The following PCDHA5 variants were observed in gnomAD, a reference collection of about 807,000 sequenced individuals.
PCDHA5 encodes protocadherin alpha 5.
A neutral mutation model predicts 61.6 loss-of-function variants in PCDHA5; 43 were observed. The observed-to-expected ratio is 0.70, with a 90% CI of 0.55 to 0.90. The LOEUF is 0.90. PCDHA5 is among the 40% of genes least tolerant of loss of function. The probability of loss-of-function intolerance (pLI) is 0.00; values close to 1 mark genes in which losing one functional copy is unlikely to be tolerated. For missense variants in PCDHA5, 1,298 were observed against 1,222.7 expected (o/e 1.06, Z -0.92); for synonymous variants, 627 against 543.9 (o/e 1.15, Z -2.13).
At chr5:140,925,978 T>G (rs2082847274) in intron 1 of PCDHA5, among the ~76,000 whole-genome samples, 1 of 152,164 alleles carries the variant, frequency 6.6e-6, no homozygotes, top group Admixed American at 6.5e-5. Flanking sequence ...AAAAAAGCCT[T>G]GAGCTCGCTG....
chr5:140,831,775 T>C (rs1771697165), intron 1 of PCDHA5, among the ~76,000 whole-genome samples: 1 of 152,168 alleles, frequency 6.6e-6, no homozygotes, highest in South Asian at 2.1e-4. Context: ...TGTGGATGGA[T>C]TGTTTCACCT....
intron 1 of PCDHA5, chr5:140,967,103 C>T: frequency 6.2e-7 from 1 of 1,613,024 alleles, no homozygotes; most frequent in Non-Finnish European, 8.5e-7. Context: ...GCTGTGTGAG[C>T]AGCGGCCTCG....
intron 1 of PCDHA5, chr5:140,966,628 C>G (rs944715570): frequency 7.9e-5 from 76 of 964,108 alleles, no homozygotes; most frequent in Non-Finnish European, 1.0e-4. Flanking sequence ...GGGAGCGGCC[C>G]CAGGCGCTTT....
At position 140,849,878 on chromosome 5, in the gene PCDHA5, G is replaced by A. The variant is rs2150455933; in HGVS notation, c.2352+25751G>A. On this transcript the variant is annotated intron_variant, in intron 1 of 3. Transcript: ENST00000529859. ...CAGCGTTCGCGCAGTCCGAGTACACGGTGTTCGTGAAGGAGAACAACCCGC... is the reference window on the plus strand; with the variant it reads ...CAGCGTTCGCGCAGTCCGAGTACACAGTGTTCGTGAAGGAGAACAACCCGC... The A allele has an allele frequency of 1.1e-5, 17 of 1,598,602 alleles. 2 individuals are homozygous for A. The Middle Eastern group carries it at 5.1e-4, about 48-fold the overall frequency.
At chr5:140,824,754 C>T (rs2150137148) in intron 1 of PCDHA5, 4 of 151,544 alleles carry the variant, frequency 2.6e-5, no homozygotes, top group Non-Finnish European at 4.4e-5. Flanking sequence ...GCAAGAGTGC[C>T]TGGCCTATAA....
At chr5:140,876,635 C>T (rs1554168754) in intron 1 of PCDHA5, 1 of 1,614,208 alleles carries the variant, frequency 6.2e-7, no homozygotes, top group East Asian at 2.2e-5. Flanking sequence ...GTCATCTGCT[C>T]ACTGACACCT....
chr5:140,969,264 C>T, intron 1 of PCDHA5: 1 of 1,614,208 alleles, frequency 6.2e-7, no homozygotes, highest in Non-Finnish European at 8.5e-7. Flanking sequence ...AGGAATCTCA[C>T]AGGCCAAAGT....
At chr5:140,882,208 G>C (rs1554173113) in intron 1 of PCDHA5, 2 of 1,531,598 alleles carry the variant, frequency 1.3e-6, no homozygotes, top group East Asian at 4.5e-5. Flanking sequence ...GGCCTTGAGA[G>C]ACAGTTTGAG....
chr5:140,974,701 A>G (rs1299087234), intron 1 of PCDHA5, among the ~76,000 whole-genome samples: 2 of 152,012 alleles, frequency 1.3e-5, no homozygotes, highest in Non-Finnish European at 2.9e-5. Flanking sequence ...GGGTTTCACC[A>G]TGTTGTTCAA....
intron 1 of PCDHA5, among the ~76,000 whole-genome samples, chr5:140,969,908 TG>T (rs2096368267): frequency 6.6e-6 from 1 of 152,184 alleles, no homozygotes; most frequent in Non-Finnish European, 1.5e-5. Flanking sequence ...ATGTCACAAG[TG>T]ATAAAGCTGT....
At chr5:140,842,946 T>C (rs2150348496) in intron 1 of PCDHA5, 1 of 1,594,616 alleles carries the variant, frequency 6.3e-7, no homozygotes, top group Non-Finnish European at 8.6e-7. Flanking sequence ...GACGCGGGCG[T>C]GCCGCCTCTG....
At chr5:140,970,331 T>C (rs1442466340) in intron 1 of PCDHA5, among the ~76,000 whole-genome samples, 1 of 152,210 alleles carries the variant, frequency 6.6e-6, no homozygotes, top group African/African-American at 2.4e-5. Context: ...TTCCAAAGCA[T>C]GCATTCATTT....
chr5:140,986,625 C>T (rs1312536887), intron 3 of PCDHA5, among the ~76,000 whole-genome samples: 2 of 152,122 alleles, frequency 1.3e-5, no homozygotes, highest in African/African-American at 4.8e-5. Flanking sequence ...TTACCTAAGG[C>T]AACAGTACAT....
chr5:140,868,277 C>T (rs1261614987), intron 1 of PCDHA5: 2 of 151,614 alleles, frequency 1.3e-5, no homozygotes, highest in Non-Finnish European at 2.9e-5. Flanking sequence ...TTAAAACTAC[C>T]AAGTTTGAGA....
chr5:140,850,026 C>T (rs2150464054), intron 1 of PCDHA5: 2 of 1,596,828 alleles, frequency 1.3e-6, no homozygotes, highest in Non-Finnish European at 1.7e-6. Context: ...CGTGTCAGTG[C>T]ACGCGGAGAG....
intron 1 of PCDHA5, chr5:140,856,380 G>T: frequency 6.3e-7 from 1 of 1,598,530 alleles, no homozygotes; most frequent in Non-Finnish European, 8.6e-7. Flanking sequence ...ATCGTGGACA[G>T]GCCGCTGCAG....
chr5:140,877,416 G>A (rs368900600), intron 1 of PCDHA5: 32 of 1,613,802 alleles, frequency 2.0e-5, no homozygotes, highest in Non-Finnish European at 2.7e-5. Flanking sequence ...ACCGCCTGCT[G>A]GTGCTGGTGA....
At chr5:141,001,476 G>A (rs1554258187) in intron 3 of PCDHA5, among the ~76,000 whole-genome samples, 1 of 152,226 alleles carries the variant, frequency 6.6e-6, no homozygotes, top group Admixed American at 6.5e-5. Flanking sequence ...CAGCAGCGGG[G>A]AAGTGCTGGA....
At chr5:140,969,069 T>C in intron 1 of PCDHA5, 1 of 1,614,160 alleles carries the variant, frequency 6.2e-7, no homozygotes, top group Non-Finnish European at 8.5e-7. Context: ...GATGCCAGGA[T>C]ACCGCATGGC....
Sources: gnomAD v4.1 joint callset for allele counts (sites outside exome capture counted in the v4.1 genomes callset) on GRCh38, gnomAD v4.1.1 for gene constraint, MANE v1.5 for transcripts, NCBI Gene and HGNC (gene_info 2026-07-23, HGNC 2026-07-21) for gene names.